Variants in PI4KA observed in about 807,000 individuals in gnomAD.
PI4KA encodes PI4-kinase alpha.
In PI4KA, 122 loss-of-function variants were observed where a neutral mutation model predicts 271.4. The ratio of observed to expected loss-of-function variants is 0.45; its 90% CI spans 0.39 to 0.52. PI4KA has a LOEUF of 0.52. PI4KA is among the 20% of genes least tolerant of loss of function. PI4KA has a pLI of 0.00. For synonymous variants in PI4KA, 1,041 were observed against 1,078.8 expected (o/e 0.96, Z 0.69); for missense variants, 1,969 against 2,769.1 (o/e 0.71, Z 6.48).
intron 19 of PI4KA, chr22:20,787,291 T>C: frequency 1.7e-6 from 1 of 574,414 alleles, no homozygotes; most frequent in Non-Finnish European, 3.1e-6. Flanking sequence ...ACTGTAACTG[T>C]AGTGTGTCTG....
chr22:20,805,666 A>G (rs562157635), intron 10 of PI4KA, among the ~76,000 whole-genome samples: 1 of 151,940 alleles, frequency 6.6e-6, no homozygotes, highest in South Asian at 2.1e-4. Flanking sequence ...CCCCATCTCT[A>G]ATAAAAATAC....
chr22:20,758,918 G>A (rs1473169507), intron 23 of PI4KA, among the ~76,000 whole-genome samples: 1 of 152,096 alleles, frequency 6.6e-6, no homozygotes, highest in African/African-American at 2.4e-5. Context: ...AACTCCACTG[G>A]CTCCCAGCTG....
At chr22:20,761,534 G>A (rs1188865300) in intron 22 of PI4KA, 148 bp from the exon 23 acceptor site, 2 of 648,770 alleles carry the variant, frequency 3.1e-6, no homozygotes, top group South Asian at 1.8e-5. Context: ...TTTTTGGAGG[G>A]TGAGGTGCAC....
chr22:20,770,275 G>A (rs1312673382), intron 19 of PI4KA, among the ~76,000 whole-genome samples: 2 of 151,500 alleles, frequency 1.3e-5, no homozygotes, highest in African/African-American at 2.4e-5. Context: ...CACTTTGGGA[G>A]GCTGAGGCGG....
chr22:20,777,320 G>A (rs936248683), intron 19 of PI4KA, among the ~76,000 whole-genome samples: 1 of 151,458 alleles, frequency 6.6e-6, no homozygotes, highest in Non-Finnish European at 1.5e-5. Context: ...GAATTCAAAC[G>A]AATCTCCTGC....
At chr22:20,749,109 G>A (rs1471217413) in intron 28 of PI4KA, among the ~76,000 whole-genome samples, 2 of 152,224 alleles carry the variant, frequency 1.3e-5, no homozygotes, top group Non-Finnish European at 2.9e-5. Context: ...CTTGGGACCT[G>A]AGGCCCTTTT....
At chr22:20,760,473 C>T (rs758541622) in intron 23 of PI4KA, among the ~76,000 whole-genome samples, 1 of 152,114 alleles carries the variant, frequency 6.6e-6, no homozygotes, top group Non-Finnish European at 1.5e-5. Context: ...GCTAAATACA[C>T]TTTTGTAAAA....
At chr22:20,842,042 C>G (rs1419576001) in intron 1 of PI4KA, among the ~76,000 whole-genome samples, 1 of 151,804 alleles carries the variant, frequency 6.6e-6, no homozygotes, top group Admixed American at 6.6e-5. Context: ...ATTGTGAAAC[C>G]CCATCTCTAC....
intron 19 of PI4KA, among the ~76,000 whole-genome samples, chr22:20,767,320 T>C (rs1163744575): frequency 6.6e-6 from 1 of 151,910 alleles, no homozygotes; most frequent in Non-Finnish European, 1.5e-5. Flanking sequence ...GGCAGGCGCC[T>C]ATAGTCCCAG....
At chr22:20,855,387 C>T (rs773131987) in intron 1 of PI4KA, among the ~76,000 whole-genome samples, 10 of 152,050 alleles carry the variant, frequency 6.6e-5, no homozygotes, top group Non-Finnish European at 1.3e-4. Context: ...ATAATCAAGT[C>T]GCAAGATCTT....
At chr22:20,811,170 G>A (rs1920980371) in intron 8 of PI4KA, 138 bp from the exon 9 acceptor site, 1 of 697,302 alleles carries the variant, frequency 1.4e-6, no homozygotes, top group South Asian at 1.6e-5. Context: ...ACAAATTATG[G>A]CTATGTATCA....
intron 19 of PI4KA, among the ~76,000 whole-genome samples, chr22:20,773,376 ACT>A (rs913616388): frequency 4.6e-5 from 7 of 152,262 alleles, no homozygotes; most frequent in African/African-American, 1.7e-4. Context: ...GCAGCGCGAA[ACT>A]CTGTCTCAAA....
chr22:20,850,887 C>CT (rs1926885217), intron 1 of PI4KA, among the ~76,000 whole-genome samples: 1 of 151,824 alleles, frequency 6.6e-6, no homozygotes, highest in South Asian at 2.1e-4. Context: ...AAAAATTTTT[C>CT]TTTTTTTACT....
intron 19 of PI4KA, among the ~76,000 whole-genome samples, chr22:20,767,195 C>T (rs538192082): frequency 1.3e-5 from 2 of 152,242 alleles, no homozygotes; most frequent in South Asian, 2.1e-4. Context: ...GTAATCCCAG[C>T]ACTTTGGGAG....
Position 20,819,697 on chromosome 22 carries a change from C to G in PI4KA, c.733G>C (p.Val245Leu), listed in dbSNP as rs1396637138. Reference protein sequence around the residue: ...RSILPSNLLTVCQEGTLKRKT... With the variant: ...RSILPSNLLTLCQEGTLKRKT... ...CTCTTCAGGGTACCCTCCTGACAGA[C>G]AGTCAGCAGATTGCTGGGGAGGATG... Residue 245 changes from valine to leucine, a missense_variant, in exon 6 of 55, where the codon GTC becomes CTC. Coordinates refer to ENST00000255882, the MANE Select transcript of PI4KA (RefSeq NM_058004.4). 1.2e-6 allele frequency: 2 copies of G among 1,614,080 alleles called. No homozygotes were observed. Among genetic ancestry groups the G allele is most frequent in the East Asian group, 2.2e-5 (1 of 44,880 alleles).
intron 26 of PI4KA, 74 bp from the exon 27 acceptor site, chr22:20,751,450 C>T (rs945993105): frequency 7.9e-7 from 1 of 1,267,764 alleles, no homozygotes; most frequent in Admixed American, 1.8e-5. Flanking sequence ...TGGGCCACCC[C>T]TACCCACCAC....
Position 20,761,250 on chromosome 22 carries a change from T to C in PI4KA, c.2791+54A>G, listed in dbSNP as rs114220135. 509 of 1,025,504 alleles carry C rather than the reference T, an allele frequency of 5.0e-4. 1 individual carries two copies. The African/African-American group carries it at 7.0e-3, about 14-fold the overall frequency. The allele number at this position is 1,025,504 out of a possible 1,614,324, so 63.5% of individuals were successfully genotyped here. On this transcript the variant is annotated intron_variant, in intron 23 of 54. Transcript: ENST00000255882. Reference sequence around the variant, plus strand: ...ACAGAAAAGAGGAAGTAGTACGCCTTTTTACCCTATTAAAGCTCAATTCAT... The same window carrying C: ...ACAGAAAAGAGGAAGTAGTACGCCTCTTTACCCTATTAAAGCTCAATTCAT...
intron 19 of PI4KA, among the ~76,000 whole-genome samples, chr22:20,785,494 A>G (rs561354795): frequency 6.6e-6 from 1 of 152,348 alleles, no homozygotes; most frequent in Non-Finnish European, 1.5e-5. Flanking sequence ...TCCCCTGCAA[A>G]GTGCCAGACT....
intron 1 of PI4KA, among the ~76,000 whole-genome samples, chr22:20,855,548 A>C (rs1927491081): frequency 6.6e-6 from 1 of 152,160 alleles, no homozygotes; most frequent in South Asian, 2.1e-4. Context: ...AATGGATATC[A>C]GCAATAGGAA....
Sources: gnomAD v4.1 joint callset for allele counts (sites outside exome capture counted in the v4.1 genomes callset) on GRCh38, gnomAD v4.1.1 for gene constraint, MANE v1.5 for transcripts, NCBI Gene and HGNC (gene_info 2026-07-23, HGNC 2026-07-21) for gene names.